TIAM1: variants seen among roughly 807,000 people sequenced by gnomAD.
TIAM1 encodes TIAM Rac1 associated GEF 1.
TIAM1 carries 65 observed loss-of-function variants against 163.5 expected under a neutral mutation model. The observed-to-expected ratio is 0.40, with a 90% CI of 0.33 to 0.49. The LOEUF (loss-of-function observed/expected upper bound fraction) is 0.49. Among genes scored for constraint, TIAM1 ranks in the 20% least tolerant of loss-of-function variants. The pLI, the probability that TIAM1 is intolerant of heterozygous loss-of-function variation, is 0.77. For synonymous variants in TIAM1, 833 were observed against 810.1 expected (o/e 1.03, Z -0.48); for missense variants, 1,789 against 2,044.7 (o/e 0.87, Z 2.41).
intron 2 of TIAM1, among the ~76,000 whole-genome samples, chr21:31,422,412 G>A (rs907172781): frequency 2.0e-5 from 3 of 152,106 alleles, no homozygotes; most frequent in Non-Finnish European, 2.9e-5. Flanking sequence ...GTGCATAAGC[G>A]TTACGTGGCA....
At chr21:31,411,288 T>C (rs1403626980) in intron 2 of TIAM1, among the ~76,000 whole-genome samples, 1 of 152,130 alleles carries the variant, frequency 6.6e-6, no homozygotes, top group Non-Finnish European at 1.5e-5. Flanking sequence ...ATACAGGGGA[T>C]GTCCTAGATT....
intron 15 of TIAM1, among the ~76,000 whole-genome samples, chr21:31,176,137 G>A (rs531803348): frequency 6.6e-6 from 1 of 152,038 alleles, no homozygotes; most frequent in Non-Finnish European, 1.5e-5. Flanking sequence ...TGGCTTGCAG[G>A]GGTACTGCTA....
chr21:31,163,605 A>G (rs1037594241), intron 16 of TIAM1, among the ~76,000 whole-genome samples: 2 of 152,262 alleles, frequency 1.3e-5, no homozygotes, highest in Non-Finnish European at 2.9e-5. Flanking sequence ...AGAATCAAAT[A>G]TGTGCACACA....
chr21:31,231,606 G>A (rs76833051), intron 6 of TIAM1, among the ~76,000 whole-genome samples: 306 of 152,232 alleles, frequency 2.0e-3, no homozygotes, highest in Non-Finnish European at 4.0e-3. Flanking sequence ...ATTTAATTTC[G>A]GCAAAGCAGC....
intron 1 of TIAM1, among the ~76,000 whole-genome samples, chr21:31,531,787 G>T (rs2147517963): frequency 6.6e-6 from 1 of 151,144 alleles, no homozygotes; most frequent in East Asian, 1.9e-4. Flanking sequence ...TGCCTCCTTG[G>T]GAGAAACAAA....
intron 1 of TIAM1, among the ~76,000 whole-genome samples, chr21:31,489,090 C>T (rs546007594): frequency 6.6e-6 from 1 of 151,394 alleles, no homozygotes. Context: ...TAACTGTGGG[C>T]CGGGTGCAGT....
intron 24 of TIAM1, 129 bp from the exon 25 acceptor site, chr21:31,130,444 C>T: frequency 1.5e-6 from 1 of 686,026 alleles, no homozygotes; most frequent in South Asian, 1.8e-5. Context: ...TCTTCACCCC[C>T]ATGAGCTCCT....
At chr21:31,489,523 G>GGAGA (rs2046392655) in intron 1 of TIAM1, among the ~76,000 whole-genome samples, 2 of 125,662 alleles carry the variant, frequency 1.6e-5, no homozygotes, top group Admixed American at 7.9e-5. Flanking sequence ...GGGAAGGAAG[G>GGAGA]GAGGGAGGGA....
At chr21:31,427,620 A>G (rs1371711630) in intron 2 of TIAM1, among the ~76,000 whole-genome samples, 1 of 152,102 alleles carries the variant, frequency 6.6e-6, no homozygotes, top group Non-Finnish European at 1.5e-5. Flanking sequence ...TCAGGAGTTC[A>G]AGACCAGACT....
At chr21:31,545,528 T>A (rs2048459027) in intron 1 of TIAM1, among the ~76,000 whole-genome samples, 1 of 152,040 alleles carries the variant, frequency 6.6e-6, no homozygotes, top group South Asian at 2.1e-4. Context: ...CAGGAGGCAA[T>A]CCTAGAGAAA....
intron 1 of TIAM1, among the ~76,000 whole-genome samples, chr21:31,527,473 TTGAG>T (rs368875185): frequency 2.6e-5 from 4 of 152,204 alleles, no homozygotes; most frequent in African/African-American, 9.6e-5. Flanking sequence ...AGCAAACACG[TTGAG>T]TATCTAAAAG....
intron 9 of TIAM1, among the ~76,000 whole-genome samples, chr21:31,215,287 T>G (rs2087118276): frequency 6.6e-6 from 1 of 151,900 alleles, no homozygotes; most frequent in South Asian, 2.1e-4. Flanking sequence ...CACCACCACC[T>G]CCCAAAAGAA....
rs558257456 is a variant in TIAM1 at position 31,182,480 on chromosome 21, C to T, written c.2828G>A (p.Arg943Gln). The T allele has an allele frequency of 1.1e-5, 18 of 1,610,798 alleles. No individual in the cohort carries two copies. Among genetic ancestry groups the T allele is most frequent in the Admixed American group, 5.1e-5 (3 of 59,366 alleles). The part of the protein sequence containing the change: ...GVELLESPPH[R>Q]VDGPADLGES... ...GCCAAGGTCGGCAGGGCCGTCCACT[C>T]GGTGGGGCGGGCTTTCCAGCAGCTC... The change falls in exon 15 of 28, where the codon CGA (arginine) becomes CAA (glutamine). Residue 943 changes from arginine to glutamine, a missense_variant. By Grantham distance (43) the Arg-to-Gln change is conservative (BLOSUM62 1). Coordinates refer to ENST00000541036, the MANE Select transcript of TIAM1 (RefSeq NM_001353694.2).
At chr21:31,138,758 A>G (rs2082719900) in intron 22 of TIAM1, among the ~76,000 whole-genome samples, 2 of 152,218 alleles carry the variant, frequency 1.3e-5, no homozygotes, top group Non-Finnish European at 2.9e-5. Context: ...AATGGAAGAA[A>G]AAGAGATGAA....
At chr21:31,254,038 G>A (rs1387673988) in intron 4 of TIAM1, among the ~76,000 whole-genome samples, 1 of 152,176 alleles carries the variant, frequency 6.6e-6, no homozygotes, top group Non-Finnish European at 1.5e-5. Context: ...GTCCTTCTGG[G>A]AAGAAGGTTT....
chr21:31,433,117 G>A (rs541068078), intron 2 of TIAM1, among the ~76,000 whole-genome samples: 2 of 152,276 alleles, frequency 1.3e-5, no homozygotes, highest in Admixed American at 1.3e-4. Context: ...ACATAAGGTA[G>A]ATAAATAACC....
intron 2 of TIAM1, among the ~76,000 whole-genome samples, chr21:31,453,669 T>C (rs1373163882): frequency 4.3e-5 from 6 of 139,450 alleles, no homozygotes; most frequent in South Asian, 2.4e-4. Context: ...ACCTGGGCAA[T>C]AGAGCGAGAC....
intron 2 of TIAM1, among the ~76,000 whole-genome samples, chr21:31,462,730 T>A (rs1286614541): frequency 1.7e-5 from 1 of 59,310 alleles, no homozygotes; most frequent in Non-Finnish European, 3.6e-5. Context: ...CTAACCCCAC[T>A]TTTTTGTTTT....
At chr21:31,238,617 C>T (rs2071013400) in intron 6 of TIAM1, among the ~76,000 whole-genome samples, 1 of 152,148 alleles carries the variant, frequency 6.6e-6, no homozygotes, top group African/African-American at 2.4e-5. Flanking sequence ...TTTCTGAAAT[C>T]CATCTGAGAA....
Sources: allele counts gnomAD v4.1 joint callset (sites outside exome capture counted in the v4.1 genomes callset), GRCh38; gene constraint gnomAD v4.1.1; transcripts MANE v1.5; gene names NCBI Gene and HGNC (gene_info 2026-07-23, HGNC 2026-07-21).